LRRN3: variants seen among roughly 807,000 people sequenced by gnomAD.
The protein encoded by LRRN3 is leucine-rich repeat neuronal protein 3.
In LRRN3, 15 loss-of-function variants were observed where a neutral mutation model predicts 40.1. The observed-to-expected ratio is 0.37, with a 90% CI of 0.25 to 0.58. LRRN3 has a LOEUF of 0.58. Ranked by LOEUF, LRRN3 falls within the 20% of genes least tolerant of loss-of-function variation. The pLI, the probability that LRRN3 is intolerant of heterozygous loss-of-function variation, is 0.72. For missense variants in LRRN3, 746 were observed against 837.7 expected, an observed-to-expected ratio of 0.89 and a Z score of 1.35; for synonymous variants, 308 against 297.2, an observed-to-expected ratio of 1.04 and a Z score of -0.37.
intron 2 of LRRN3, among the ~76,000 whole-genome samples, chr7:111,104,714 G>A (rs1465474451): frequency 1.3e-5 from 2 of 151,740 alleles, no homozygotes; most frequent in Admixed American, 6.6e-5. Context: ...TGAAGGACTT[G>A]TCACAAGCGA....
intron 2 of LRRN3, among the ~76,000 whole-genome samples, chr7:111,101,892 G>A (rs1216043920): frequency 1.3e-5 from 2 of 151,428 alleles, no homozygotes; most frequent in Non-Finnish European, 3.0e-5. Flanking sequence ...GGTGATATCT[G>A]TAGAGTACTA....
At chr7:111,098,617 A>C (rs535447722) in intron 1 of LRRN3, among the ~76,000 whole-genome samples, 1 of 151,872 alleles carries the variant, frequency 6.6e-6, no homozygotes, top group African/African-American at 2.4e-5. Context: ...TACAACATAC[A>C]AGCATTTTCT....
chr7:111,094,107 C>G (rs1256741497), intron 1 of LRRN3, among the ~76,000 whole-genome samples: 1 of 152,010 alleles, frequency 6.6e-6, no homozygotes, highest in Non-Finnish European at 1.5e-5. Flanking sequence ...TTGCTTTCGC[C>G]ATGTGATGGG....
At chr7:111,099,107 TA>T (rs1797698782) in intron 1 of LRRN3, among the ~76,000 whole-genome samples, 1 of 151,740 alleles carries the variant, frequency 6.6e-6, no homozygotes. Context: ...TGGCAGCTTA[TA>T]ACTTCCTCTA....
chr7:111,116,795 G>A (rs1799931411), intron 2 of LRRN3, among the ~76,000 whole-genome samples: 1 of 152,104 alleles, frequency 6.6e-6, no homozygotes, highest in African/African-American at 2.4e-5. Context: ...TAACAAAAAA[G>A]GCAGTGCACC....
chr7:111,102,970 C>G (rs1426516943), intron 2 of LRRN3, among the ~76,000 whole-genome samples: 1 of 151,370 alleles, frequency 6.6e-6, no homozygotes, highest in Admixed American at 6.6e-5. Context: ...GCACTCAAGC[C>G]CTTGAGTTGC....
intron 2 of LRRN3, among the ~76,000 whole-genome samples, chr7:111,115,219 G>A (rs989868486): frequency 6.6e-6 from 1 of 152,132 alleles, no homozygotes; most frequent in Non-Finnish European, 1.5e-5. Flanking sequence ...GTACTGTTAT[G>A]ACATATTGTA....
At chr7:111,107,209 C>T (rs1028246542) in intron 2 of LRRN3, among the ~76,000 whole-genome samples, 1 of 151,928 alleles carries the variant, frequency 6.6e-6, no homozygotes, top group Admixed American at 6.6e-5. Context: ...TTCCTTCTCT[C>T]TTTCCTCTCC....
chr7:111,113,531 T>C (rs1463373703), intron 2 of LRRN3, among the ~76,000 whole-genome samples: 3 of 152,174 alleles, frequency 2.0e-5, no homozygotes, highest in Non-Finnish European at 4.4e-5. Context: ...TTTATTTTTT[T>C]CTTTTAACTA....
chr7:111,097,630 A>T (rs1797541888), intron 1 of LRRN3, among the ~76,000 whole-genome samples: 1 of 151,960 alleles, frequency 6.6e-6, no homozygotes, highest in Admixed American at 6.6e-5. Context: ...TTTTTCAAAC[A>T]TACAATTCAT....
At chr7:111,119,213 A>G (rs1361141012) in intron 2 of LRRN3, among the ~76,000 whole-genome samples, 2 of 152,196 alleles carry the variant, frequency 1.3e-5, no homozygotes. Flanking sequence ...CAGAAATGCA[A>G]TTGGACTTTG....
intron 2 of LRRN3, among the ~76,000 whole-genome samples, chr7:111,117,383 T>A (rs532970096): frequency 2.0e-5 from 3 of 152,038 alleles, no homozygotes; most frequent in Admixed American, 2.0e-4. Flanking sequence ...AGGTATCCTG[T>A]CCCCAGTTAC....
At chr7:111,118,415 A>G (rs1206166801) in intron 2 of LRRN3, among the ~76,000 whole-genome samples, 1 of 152,104 alleles carries the variant, frequency 6.6e-6, no homozygotes, top group Non-Finnish European at 1.5e-5. Context: ...GAAATCTCAA[A>G]TTATAAGTGT....
intron 2 of LRRN3, among the ~76,000 whole-genome samples, chr7:111,122,084 TG>T (rs1692261531): frequency 5.1e-5 from 4 of 78,680 alleles, no homozygotes; most frequent in African/African-American, 1.5e-4. Context: ...TGTTGTGGGG[TG>T]GGGGGAGGGA....
chr7:111,113,316 T>C (rs1320971419), intron 2 of LRRN3, among the ~76,000 whole-genome samples: 2 of 152,202 alleles, frequency 1.3e-5, no homozygotes, highest in African/African-American at 4.8e-5. Flanking sequence ...TTACAGCATA[T>C]CTATGCTTCA....
chr7:111,113,717 C>T (rs1799513412), intron 2 of LRRN3, among the ~76,000 whole-genome samples: 1 of 152,100 alleles, frequency 6.6e-6, no homozygotes, highest in South Asian at 2.1e-4. Flanking sequence ...ACATGAGACA[C>T]ACATTTCCCA....
At chr7:111,111,949 T>TG (rs1210375159) in intron 2 of LRRN3, among the ~76,000 whole-genome samples, 1 of 132,228 alleles carries the variant, frequency 7.6e-6, no homozygotes, top group Non-Finnish European at 1.6e-5. Flanking sequence ...TTTGTTTTTT[T>TG]TTTTTTTTTT....
chr7:111,112,954 C>T (rs1451601410), intron 2 of LRRN3, among the ~76,000 whole-genome samples: 2 of 152,084 alleles, frequency 1.3e-5, no homozygotes, highest in South Asian at 2.1e-4. Context: ...TTTCTTTCAA[C>T]GTATGTTTTA....
chr7:111,104,501 A>G (rs1333712933), intron 2 of LRRN3, among the ~76,000 whole-genome samples: 1 of 151,816 alleles, frequency 6.6e-6, no homozygotes, highest in East Asian at 1.9e-4. Context: ...ATTGAAGCTG[A>G]TATCAATTTT....
Sources: allele counts gnomAD v4.1 joint callset (sites outside exome capture counted in the v4.1 genomes callset), GRCh38; gene constraint gnomAD v4.1.1; transcripts MANE v1.5; gene names NCBI Gene and HGNC (gene_info 2026-07-23, HGNC 2026-07-21).